ITFG1: variants seen among roughly 807,000 people sequenced by gnomAD.
ITFG1 encodes the protein T-cell immunomodulatory protein.
ITFG1 carries 34 observed loss-of-function variants against 81.8 expected under a neutral mutation model. The ratio of observed to expected loss-of-function variants is 0.42; its 90% CI spans 0.32 to 0.55. ITFG1 has a LOEUF of 0.55. ITFG1 is among the 20% of genes least tolerant of loss of function. The pLI is 0.17. For synonymous variants in ITFG1, 285 were observed against 270.6 expected (o/e 1.05, Z -0.52); for missense variants, 672 against 755.4 (o/e 0.89, Z 1.29).
At chr16:47,210,665 T>C (rs983350956) in intron 14 of ITFG1, among the ~76,000 whole-genome samples, 13 of 152,352 alleles carry the variant, frequency 8.5e-5, no homozygotes, top group African/African-American at 2.6e-4. Context: ...TACATTTATG[T>C]CCATGATCCA....
rs559807383 is a variant in ITFG1, at chr16:47,374,395, C to A, written c.720+1481G>T. Reference sequence around the variant, plus strand: ...TATTTTATTCATCAAGAATCTTCTCCTATTGAGTTGCTTCATTCCATTAAG... The same window carrying A: ...TATTTTATTCATCAAGAATCTTCTCATATTGAGTTGCTTCATTCCATTAAG... On this transcript the variant is annotated intron_variant, in intron 7 of 17. Transcript: ENST00000320640. Among the ~76,000 whole-genome samples the A allele has an allele frequency of 7.2e-5, 11 of 152,268 alleles. No individual in the cohort carries two copies. The East Asian group carries it at 2.1e-3, about 29-fold the overall frequency.
At chr16:47,461,071 G>C (rs1439040787), upstream of ITFG1, 6 of 1,502,358 alleles carry the variant, frequency 4.0e-6, no homozygotes, top group Non-Finnish European at 5.3e-6. Flanking sequence ...CCCGCCCGCC[G>C]GCCCAACGCC....
At chr16:47,399,596 A>C (rs1244627105) in intron 6 of ITFG1, among the ~76,000 whole-genome samples, 1 of 151,822 alleles carries the variant, frequency 6.6e-6, no homozygotes, top group East Asian at 1.9e-4. Flanking sequence ...AAGTTCAGAG[A>C]GCTCACATTC....
At chr16:47,301,548 C>T (rs977490781) in intron 10 of ITFG1, among the ~76,000 whole-genome samples, 5 of 152,034 alleles carry the variant, frequency 3.3e-5, no homozygotes, top group Admixed American at 3.3e-4. Flanking sequence ...AGGCGCCTGC[C>T]ACCATGCCAG....
At chr16:47,302,796 C>G (rs1269604882) in intron 10 of ITFG1, among the ~76,000 whole-genome samples, 1 of 152,130 alleles carries the variant, frequency 6.6e-6, no homozygotes, top group African/African-American at 2.4e-5. Flanking sequence ...TAAAGCAAAT[C>G]TTTTTATATC....
chr16:47,237,544 A>G (rs1000287327), intron 13 of ITFG1, among the ~76,000 whole-genome samples: 12 of 152,236 alleles, frequency 7.9e-5, no homozygotes, highest in African/African-American at 2.9e-4. Context: ...GCAAGTCAAT[A>G]TTAAGACTAC....
At position 47,375,932 on chromosome 16, in the gene ITFG1, G is replaced by C. The variant is rs372846445; in HGVS notation, c.664C>G (p.Leu222Val). 2 of 1,599,026 alleles carry C rather than the reference G, an allele frequency of 1.3e-6. No individual in the cohort carries two copies. Among genetic ancestry groups the C allele is most frequent in the Non-Finnish European group, 1.7e-6 (2 of 1,168,032 alleles). Residue 222 changes from leucine to valine, a missense_variant, in exon 7 of 18, where the codon CTG (leucine) becomes GTG (valine). Around this residue, in one of 3 missense-constraint regions of ITFG1, gnomAD observed 560 missense variants for 625.7 expected, o/e 0.90. Transcript: ENST00000320640. ...LTEDFTADLF[L>V]TTLNATTSTF... ...CTAGTGGTGGCATTCAATGTCGTCA[G>C]GAATAAATCTAGAAGGAAAAATAAT... is the stretch of plus-strand genomic sequence containing the variant.
chr16:47,276,977 T>C (rs1966404389), intron 10 of ITFG1, among the ~76,000 whole-genome samples: 1 of 152,152 alleles, frequency 6.6e-6, no homozygotes, highest in Non-Finnish European at 1.5e-5. Flanking sequence ...CTAAATAAGA[T>C]CGAGAAAAGC....
chr16:47,430,651 A>G (rs1168121782), intron 5 of ITFG1, among the ~76,000 whole-genome samples: 2 of 152,202 alleles, frequency 1.3e-5, no homozygotes, highest in African/African-American at 4.8e-5. Flanking sequence ...TATTAATTCT[A>G]AAGTTTTGGA....
intron 10 of ITFG1, among the ~76,000 whole-genome samples, chr16:47,304,245 A>G (rs1179899457): frequency 6.6e-6 from 1 of 152,178 alleles, no homozygotes; most frequent in Non-Finnish European, 1.5e-5. Flanking sequence ...GTCTAGCTTA[A>G]TTACAGGTTT....
At chr16:47,255,563 A>G (rs1270983022) in intron 12 of ITFG1, among the ~76,000 whole-genome samples, 9 of 152,244 alleles carry the variant, frequency 5.9e-5, no homozygotes, top group Non-Finnish European at 1.5e-5. Context: ...GACACAGATG[A>G]GTCAGAGGCA....
At position 47,246,156 on chromosome 16, in the gene ITFG1, G is replaced by C. The variant is rs1966000034; in HGVS notation, c.1331-8148C>G. ...ATCATGTAATAGTTTCTTCCATTTT[G>C]TGTACAATAAGCTAAAAACTTGGTT... is the stretch of plus-strand genomic sequence containing the variant. On this transcript the variant is annotated intron_variant, in intron 12 of 17. Coordinates refer to ENST00000320640, the MANE Select transcript of ITFG1 (RefSeq NM_030790.5). Among the ~76,000 whole-genome samples, 13 of 152,106 alleles carry C rather than the reference G, an allele frequency of 8.5e-5. No homozygotes were observed. The South Asian group carries it at 2.5e-3, about 29-fold the overall frequency.
chr16:47,446,577 C>T (rs557191743), intron 5 of ITFG1, among the ~76,000 whole-genome samples: 5 of 152,232 alleles, frequency 3.3e-5, no homozygotes, highest in South Asian at 2.1e-4. Flanking sequence ...AAGAAGCACG[C>T]GTCCCACAGT....
rs551248450 is a variant in ITFG1 at position 47,312,669 on chromosome 16, T to C, written c.897+1060A>G. On this transcript the variant is annotated intron_variant, in intron 9 of 17. Coordinates refer to ENST00000320640, the MANE Select transcript of ITFG1 (RefSeq NM_030790.5). ...GAGAATTTCACAAAATGCCACGTTATCACAAATTTCTGAAGAGGCTGACAG... is the reference window on the plus strand; with the variant it reads ...GAGAATTTCACAAAATGCCACGTTACCACAAATTTCTGAAGAGGCTGACAG... 7 of 152,324 alleles carry C rather than the reference T, an allele frequency of 4.6e-5. No homozygotes were observed. In the East Asian group the frequency reaches 1.2e-3, roughly 25 times the overall value. 9.4% of individuals were successfully genotyped at this position (152,324 alleles called of 1,614,324 possible). A position where few individuals can be genotyped will look rare whatever the true frequency, so the allele number is the denominator to read the frequency against.
At chr16:47,235,929 A>G (rs149685725) in intron 13 of ITFG1, among the ~76,000 whole-genome samples, 8 of 152,304 alleles carry the variant, frequency 5.3e-5, no homozygotes, top group East Asian at 1.9e-4. Flanking sequence ...AATATCAGAG[A>G]GAAGGAAAAT....
intron 6 of ITFG1, among the ~76,000 whole-genome samples, chr16:47,400,457 T>TACAC (rs111375193): frequency 0.031 from 4,293 of 136,960 alleles, 177 homozygotes; most frequent in African/African-American, 0.096. Context: ...AGAGTCACTT[T>TACAC]ACACACACAC....
chr16:47,200,747 T>G (rs1965415010), intron 14 of ITFG1, among the ~76,000 whole-genome samples: 1 of 152,172 alleles, frequency 6.6e-6, no homozygotes, highest in Middle Eastern at 3.2e-3. Context: ...TTATTAGAAA[T>G]GAAAATTCTG....
intron 8 of ITFG1, among the ~76,000 whole-genome samples, chr16:47,349,985 A>C (rs557091393): frequency 2.6e-5 from 4 of 152,254 alleles, no homozygotes; most frequent in Non-Finnish European, 2.9e-5. Flanking sequence ...AACGAAATGA[A>C]GGCAGAAATA....
chr16:47,366,259 C>T (rs368906463), intron 7 of ITFG1, among the ~76,000 whole-genome samples: 118 of 152,166 alleles, frequency 7.8e-4, no homozygotes, highest in African/African-American at 2.2e-3. Context: ...GGATTTCTGA[C>T]GGTAACACAT....
Sources: gnomAD v4.1 joint callset for allele counts (sites outside exome capture counted in the v4.1 genomes callset) on GRCh38, gnomAD v4.1.1 for gene constraint, gnomAD v4.1.1 regional missense constraint, MANE v1.5 for transcripts, NCBI Gene and HGNC (gene_info 2026-07-23, HGNC 2026-07-21) for gene names.